The following PARD6G variants were observed in gnomAD, a reference collection of about 807,000 sequenced individuals.
PARD6G encodes the protein par-6 family cell polarity regulator gamma, also known as partitioning defective 6 homolog gamma.
Under a neutral mutation model 10.7 loss-of-function variants are expected in PARD6G, and 7 were observed. The ratio of observed to expected loss-of-function variants is 0.66; its 90% CI spans 0.37 to 1.23. The LOEUF (loss-of-function observed/expected upper bound fraction) is 1.23. Among genes scored for constraint, PARD6G ranks in the 50% most tolerant of loss-of-function variants. The probability of loss-of-function intolerance (pLI) is 0.02; values close to 1 mark genes in which losing one functional copy is unlikely to be tolerated. For synonymous variants in PARD6G, 287 were observed against 269.4 expected, an observed-to-expected ratio of 1.07 and a Z score of -0.64; for missense variants, 548 against 571.8, an observed-to-expected ratio of 0.96 and a Z score of 0.42.
Position 80,188,901 on chromosome 18 carries a change from A to G in PARD6G, c.295+13809T>C, listed in dbSNP as rs888241554. Among the ~76,000 whole-genome samples the G allele has an allele frequency of 2.0e-5, 3 of 152,190 alleles. No individual in the cohort carries two copies. The highest frequency in any genetic ancestry group is 7.2e-5 in the African/African-American group (3 of 41,454). ...GAGGGAGGTGTGGACTTGCTGGGGC[A>G]TCTGAACACAAGAGTGACCTGGGGG... On this transcript the variant is annotated intron_variant, in intron 2 of 2. Coordinates refer to ENST00000353265, the MANE Select transcript of PARD6G (RefSeq NM_032510.4). The surrounding 1 kb of genome is among the most constrained non-coding windows in gnomAD (Gnocchi z 5.4).
At chr18:80,218,156 C>G (rs1011406506) in intron 1 of PARD6G, among the ~76,000 whole-genome samples, 2 of 152,110 alleles carry the variant, frequency 1.3e-5, no homozygotes, top group Non-Finnish European at 2.9e-5. Flanking sequence ...CCTCACATTT[C>G]TAAACACAAT....
chr18:80,205,688 C>T (rs866095854), intron 1 of PARD6G, among the ~76,000 whole-genome samples: 1 of 152,284 alleles, frequency 6.6e-6, no homozygotes, highest in South Asian at 2.1e-4. Flanking sequence ...TCCCTGAGGC[C>T]GTCCCAGGAG....
chr18:80,167,583 G>C (rs1290179701), intron 2 of PARD6G, among the ~76,000 whole-genome samples: 2 of 152,136 alleles, frequency 1.3e-5, no homozygotes, highest in Non-Finnish European at 2.9e-5. Flanking sequence ...CCTGGGAGGA[G>C]GCGCTGCAGA....
intron 1 of PARD6G, among the ~76,000 whole-genome samples, chr18:80,240,394 T>C (rs932424775): frequency 6.6e-6 from 1 of 152,186 alleles, no homozygotes; most frequent in Non-Finnish European, 1.5e-5. Context: ...TCTGAACCAG[T>C]AGCTGTCAGG....
At chr18:80,202,559 A>AAT (rs1967017323) in intron 2 of PARD6G, 151 bp downstream of exon 2, 6 of 616,764 alleles carry the variant, frequency 9.7e-6, no homozygotes, top group Non-Finnish European at 1.1e-5. Context: ...TTTGTCTATT[A>AAT]ATGCTGATGA....
At chr18:80,209,346 G>T (rs943678598) in intron 1 of PARD6G, among the ~76,000 whole-genome samples, 6 of 152,088 alleles carry the variant, frequency 3.9e-5, no homozygotes, top group African/African-American at 1.4e-4. Context: ...AATGCTTCTA[G>T]CTAAATGAAC....
intron 1 of PARD6G, among the ~76,000 whole-genome samples, chr18:80,241,782 G>A (rs1340249380): frequency 6.6e-6 from 1 of 152,124 alleles, no homozygotes; most frequent in African/African-American, 2.4e-5. Context: ...CATGTAAGCA[G>A]CCAAGTGAAC....
chr18:80,205,434 C>A (rs1406575594), intron 1 of PARD6G, among the ~76,000 whole-genome samples: 1 of 152,222 alleles, frequency 6.6e-6, no homozygotes, highest in African/African-American at 2.4e-5. Context: ...CCACCCAGGT[C>A]TCATGGTGAA....
intron 2 of PARD6G, among the ~76,000 whole-genome samples, chr18:80,190,452 T>C (rs8091035): frequency 0.27 from 40,905 of 152,114 alleles, 7,136 homozygotes; most frequent in Non-Finnish European, 0.4. Context: ...TTTAGGCCTC[T>C]GACCTGTATA....
In PARD6G at chr18:80,159,994, A is replaced by G; in HGVS notation, c.908T>C (p.Ile303Thr). Residue 303 changes from isoleucine (I) to threonine (T), a missense_variant, in exon 3 of 3, where the codon ATC becomes ACC. Physicochemically the swap from Ile to Thr is moderately conservative, Grantham distance 89 (BLOSUM62 -1). Around this residue, in one of 2 missense-constraint regions of PARD6G, gnomAD observed 313 missense variants for 279.9 expected, o/e 1.12. Transcript: ENST00000353265. ...AESDEDNDVVIEGTLEPARPP... is the reference protein window; with the variant it reads ...AESDEDNDVVTEGTLEPARPP... ...ACGTGCAGGCTCCAGTGTGCCCTCG[A>G]TGACGACGTCGTTGTCCTCATCGCT... The G allele has an allele frequency of 6.6e-7, 1 of 1,511,144 alleles. No individual in the cohort carries two copies. Among genetic ancestry groups the G allele is most frequent in the Non-Finnish European group, 8.8e-7 (1 of 1,137,404 alleles). 93.6% of individuals were successfully genotyped at this position (1,511,144 alleles called of 1,614,324 possible).
chr18:80,209,015 G>T (rs1181323187), intron 1 of PARD6G, among the ~76,000 whole-genome samples: 1 of 152,032 alleles, frequency 6.6e-6, no homozygotes, highest in African/African-American at 2.4e-5. Flanking sequence ...CAGGAGAACT[G>T]CTTGAACATA....
intron 2 of PARD6G, among the ~76,000 whole-genome samples, chr18:80,177,332 A>C (rs1047322564): frequency 4.8e-4 from 72 of 148,650 alleles, no homozygotes; most frequent in Non-Finnish European, 9.1e-4. Context: ...TGGGAAGCGC[A>C]CACACACACA....
In PARD6G at chr18:80,160,081, G is replaced by T; in HGVS notation, c.821C>A (p.Ala274Glu). Residue 274 changes from alanine to glutamate, a missense_variant, in exon 3 of 3, where the codon GCG (alanine) becomes GAG (glutamate). Coordinates refer to ENST00000353265, the MANE Select transcript of PARD6G (RefSeq NM_032510.4). ...CGGGGCGGGGGGACCCACGAAGCCC[G>T]CGGTGCCGTCCGAGGGCGGTCCCGA... ...GSSGPPSDGT[A>E]GFVGPPAPRV... 6.3e-7 allele frequency: 1 copy of T among 1,587,240 alleles called. No homozygotes were observed. Among genetic ancestry groups the T allele is most frequent in the East Asian group, 2.2e-5 (1 of 44,462 alleles).
At position 80,159,238 on chromosome 18, in the gene PARD6G, T is replaced by C. The variant is rs2052677301; in HGVS notation, c.*533A>G. 6.6e-6 allele frequency: 1 copy of C among 152,258 alleles called. No homozygotes were observed. Among genetic ancestry groups the C allele is most frequent in the African/African-American group, 2.4e-5 (1 of 41,402 alleles). 9.4% of individuals were successfully genotyped at this position (152,258 alleles called of 1,614,324 possible). On this transcript the variant is annotated 3_prime_UTR_variant, in exon 3 of 3. Coordinates refer to ENST00000353265, the MANE Select transcript of PARD6G (RefSeq NM_032510.4). ...CTCCTGACCTCGTGATCAGCCCACG[T>C]AGGCCTCCCAAAGTGCTGGGATTAC...
At chr18:80,205,408 G>A (rs538228641) in intron 1 of PARD6G, among the ~76,000 whole-genome samples, 1 of 152,198 alleles carries the variant, frequency 6.6e-6, no homozygotes, top group South Asian at 2.1e-4. Flanking sequence ...TACTCACACG[G>A]TTTGCATCTG....
chr18:80,228,829 CA>C lies in PARD6G; in HGVS notation c.72+18447del, dbSNP rs896158666. Reference sequence around the variant, plus strand: ...GATCAGAAACAGAGACAGATTCCCACAGGAAATGTTCATCAAAATACTTATA... The same window carrying C: ...GATCAGAAACAGAGACAGATTCCCACGGAAATGTTCATCAAAATACTTATA... On this transcript the variant is annotated intron_variant, in intron 1 of 2. Coordinates refer to ENST00000353265, the MANE Select transcript of PARD6G (RefSeq NM_032510.4). This position sits in a 1 kb window ranked among gnomAD's most constrained non-coding sequence, Gnocchi z 4.6. Among the ~76,000 whole-genome samples, 2 of 152,206 alleles carry C rather than the reference CA, an allele frequency of 1.3e-5. No homozygotes were observed. The highest frequency in any genetic ancestry group is 2.9e-5 in the Non-Finnish European group (2 of 68,032).
intron 2 of PARD6G, among the ~76,000 whole-genome samples, chr18:80,162,799 G>C (rs1451481161): frequency 6.6e-6 from 1 of 152,194 alleles, no homozygotes; most frequent in African/African-American, 2.4e-5. Flanking sequence ...CAAAGTTCAA[G>C]AGAAGACGCC....
intron 1 of PARD6G, among the ~76,000 whole-genome samples, chr18:80,238,930 G>A (rs1442130194): frequency 2.0e-5 from 3 of 152,128 alleles, no homozygotes; most frequent in Non-Finnish European, 4.4e-5. Context: ...GAGGGCCTCG[G>A]TGCCCAGGCT....
intron 2 of PARD6G, among the ~76,000 whole-genome samples, chr18:80,179,297 G>A (rs961259134): frequency 5.9e-5 from 9 of 151,644 alleles, no homozygotes; most frequent in African/African-American, 1.9e-4. Context: ...TCACTCAGGT[G>A]AGCCTCGGTG....
Sources: allele counts gnomAD v4.1 joint callset (sites outside exome capture counted in the v4.1 genomes callset), GRCh38; gene constraint gnomAD v4.1.1; regional missense constraint gnomAD v4.1.1; non-coding constraint Gnocchi (gnomAD v3.1); transcripts MANE v1.5; gene names NCBI Gene and HGNC (gene_info 2026-07-23, HGNC 2026-07-21).